Variants in HEG1 observed in about 807,000 individuals in gnomAD.
HEG1 encodes heart development protein with EGF like domains 1.
A neutral mutation model predicts 125.6 loss-of-function variants in HEG1; 56 were observed. That is an observed-to-expected ratio of 0.45 (90% CI 0.36 to 0.56). The LOEUF is 0.56. Ranked by LOEUF, HEG1 falls within the 20% of genes least tolerant of loss-of-function variation. The pLI, the probability that HEG1 is intolerant of heterozygous loss-of-function variation, is 0.00. For missense variants in HEG1, 1,523 were observed against 1,670.0 expected, an observed-to-expected ratio of 0.91 and a Z score of 1.53; for synonymous variants, 644 against 668.5, an observed-to-expected ratio of 0.96 and a Z score of 0.57.
rs1488090728 is a variant in HEG1 at position 125,012,853 on chromosome 3, T to A, written c.2726A>T (p.Asp909Val). 1.2e-6 allele frequency: 2 copies of A among 1,614,008 alleles called. No homozygotes were observed. Among genetic ancestry groups the A allele is most frequent in the African/African-American group, 2.7e-5 (2 of 75,054 alleles). Residue 909 changes from aspartate to valine, a missense_variant, in exon 6 of 17, where the codon GAT becomes GTT. Coordinates refer to ENST00000311127, the MANE Select transcript of HEG1 (RefSeq NM_020733.2). ...ISTERNRVIVDATTGLIPLTS... is the reference protein window; with the variant it reads ...ISTERNRVIVVATTGLIPLTS... ...CAAAGGGATCAATCCAGTGGTAGCA[T>A]CCACAATCACTCGGTTCCTTTCTGT...
intron 16 of HEG1, among the ~76,000 whole-genome samples, chr3:124,972,478 CAA>C (rs1364998337): frequency 2.0e-5 from 3 of 152,036 alleles, no homozygotes; most frequent in Non-Finnish European, 4.4e-5. Flanking sequence ...TCAAATTTTT[CAA>C]AAAGAGTCCA....
intron 3 of HEG1, 78 bp from the exon 4 acceptor site, chr3:125,021,208 G>T: frequency 1.8e-6 from 2 of 1,139,490 alleles, no homozygotes; most frequent in Non-Finnish European, 2.5e-6. Flanking sequence ...TACAAATGAC[G>T]TTTCTTACAT....
At chr3:124,992,781 A>C (rs1156477127) in intron 12 of HEG1, among the ~76,000 whole-genome samples, 4 of 152,248 alleles carry the variant, frequency 2.6e-5, no homozygotes, top group Non-Finnish European at 5.9e-5. Context: ...AGTGTTGTGG[A>C]ATACAGTTTC....
rs1936335238 is a variant in HEG1 at position 124,967,427 on chromosome 3, T to A, written c.*3225A>T. The A allele has an allele frequency of 6.6e-6, 1 of 150,674 alleles. No individual in the cohort carries two copies. Among genetic ancestry groups the A allele is most frequent in the African/African-American group, 2.4e-5 (1 of 40,834 alleles). The allele number at this position is 150,674 out of a possible 1,614,324, so 9.3% of individuals were successfully genotyped here. A position where few individuals can be genotyped will look rare whatever the true frequency, so the allele number is the denominator to read the frequency against. On this transcript the variant is annotated 3_prime_UTR_variant, in exon 17 of 17. Coordinates refer to ENST00000311127, the MANE Select transcript of HEG1 (RefSeq NM_020733.2). Reference sequence around the variant, plus strand: ...TAAGAATTACATATAAAAAACAATCTGAAAGCACATTTTCAAAAGGGTAGT... The same window carrying A: ...TAAGAATTACATATAAAAAACAATCAGAAAGCACATTTTCAAAAGGGTAGT...
intron 5 of HEG1, chr3:125,014,604 T>C (rs897299308): frequency 4.2e-6 from 4 of 954,228 alleles, no homozygotes; most frequent in African/African-American, 1.7e-5. Context: ...ATAAAGAGCT[T>C]GTAAGGCACT....
chr3:124,970,782 G>A lies in HEG1; in HGVS notation c.4016C>T (p.Pro1339Leu), dbSNP rs757602890. The change falls in exon 17 of 17, where the codon CCA becomes CTA. Residue 1339 changes from proline (P) to leucine (L), a missense_variant. Coordinates refer to ENST00000311127, the MANE Select transcript of HEG1 (RefSeq NM_020733.2). ...VYYSPTSVRNPELERNGLYPA... is the reference protein window; with the variant it reads ...VYYSPTSVRNLELERNGLYPA... ...GTAGAGTCCGTTTCGTTCAAGTTCTGGATTCCTTACACTTGTAGGCTGGTT... is the reference window on the plus strand; with the variant it reads ...GTAGAGTCCGTTTCGTTCAAGTTCTAGATTCCTTACACTTGTAGGCTGGTT... 1.2e-6 allele frequency: 2 copies of A among 1,609,804 alleles called. No individual in the cohort carries two copies. The highest frequency in any genetic ancestry group is 2.2e-5 in the East Asian group (1 of 44,808).
chr3:125,022,729 T>C (rs1045855902), intron 3 of HEG1, among the ~76,000 whole-genome samples: 3 of 151,516 alleles, frequency 2.0e-5, no homozygotes, highest in Non-Finnish European at 4.4e-5. Flanking sequence ...GAAAGCATTA[T>C]AGATATGCCC....
intron 1 of HEG1, among the ~76,000 whole-genome samples, chr3:125,050,838 C>T (rs1476282862): frequency 1.3e-5 from 2 of 152,194 alleles, no homozygotes; most frequent in African/African-American, 2.4e-5. Flanking sequence ...CACACTCCAA[C>T]AAAAGAAGAG....
intron 16 of HEG1, 134 bp from the exon 17 acceptor site, chr3:124,970,935 T>A: frequency 1.3e-6 from 1 of 767,052 alleles, no homozygotes; most frequent in Non-Finnish European, 2.1e-6. Context: ...TTCTACCAAT[T>A]ATTTCTAATT....
At chr3:125,045,178 T>A (rs1286507573) in intron 1 of HEG1, among the ~76,000 whole-genome samples, 1 of 152,212 alleles carries the variant, frequency 6.6e-6, no homozygotes, top group African/African-American at 2.4e-5. Flanking sequence ...ACTAAACCTG[T>A]GCGAATGCTG....
chr3:125,055,335 G>A (rs1560039350), intron 1 of HEG1, among the ~76,000 whole-genome samples: 1 of 152,126 alleles, frequency 6.6e-6, no homozygotes, highest in Admixed American at 6.5e-5. Context: ...GTACCCCATA[G>A]GAAATAAGTT....
intron 12 of HEG1, among the ~76,000 whole-genome samples, chr3:124,996,210 G>A (rs1936921164): frequency 6.6e-6 from 1 of 151,870 alleles, no homozygotes; most frequent in South Asian, 2.1e-4. Context: ...TCAGCTTCCC[G>A]AGTAGCTGGG....
intron 5 of HEG1, among the ~76,000 whole-genome samples, chr3:125,016,904 A>T (rs1937257100): frequency 6.6e-6 from 1 of 152,152 alleles, no homozygotes; most frequent in Non-Finnish European, 1.5e-5. Context: ...CAAAAGAAAA[A>T]TTTTCTCAAA....
At chr3:124,981,722 G>A (rs1487237452) in intron 14 of HEG1, among the ~76,000 whole-genome samples, 3 of 152,204 alleles carry the variant, frequency 2.0e-5, no homozygotes, top group Non-Finnish European at 2.9e-5. Flanking sequence ...CTCAAGCAGA[G>A]AGAAAGAGCC....
chr3:125,045,178 T>G (rs1286507573), intron 1 of HEG1, among the ~76,000 whole-genome samples: 1 of 152,212 alleles, frequency 6.6e-6, no homozygotes, highest in South Asian at 2.1e-4. Context: ...ACTAAACCTG[T>G]GCGAATGCTG....
At position 125,027,510 on chromosome 3, in the gene HEG1, G is replaced by A. The variant is rs977138551; in HGVS notation, c.611-3C>T. ...TGGCAGGTGAAGACTTTCTGAGGCT[G>A]AAAACAGACAAAAACAATTAGAATT... On this transcript the variant is annotated splice_region_variant and splice_polypyrimidine_tract_variant and intron_variant, in intron 2 of 16. Transcript: ENST00000311127. 1.9e-6 allele frequency: 3 copies of A among 1,583,332 alleles called. No individual in the cohort carries two copies. The highest frequency in any genetic ancestry group is 2.2e-5 in the East Asian group (1 of 44,694).
chr3:125,012,604 T>A lies in HEG1; in HGVS notation c.2956+19A>T. On this transcript the variant is annotated intron_variant, in intron 6 of 16. Coordinates refer to ENST00000311127, the MANE Select transcript of HEG1 (RefSeq NM_020733.2). ...ACTGGGCCTTGCAGTTAACATGTGC[T>A]TGTGTGACTGTGTTTTACCTGAGGC... The A allele has an allele frequency of 6.2e-7, 1 of 1,603,980 alleles. No homozygotes were observed. Among genetic ancestry groups the A allele is most frequent in the Non-Finnish European group, 8.5e-7 (1 of 1,174,680 alleles).
chr3:124,988,197 C>A (rs903957572), intron 14 of HEG1, among the ~76,000 whole-genome samples: 9 of 151,704 alleles, frequency 5.9e-5, no homozygotes, highest in African/African-American at 9.7e-5. Context: ...GAACACACAC[C>A]ACTCTGTAGA....
intron 1 of HEG1, among the ~76,000 whole-genome samples, chr3:125,041,637 A>G (rs1254788592): frequency 6.6e-6 from 1 of 152,214 alleles, no homozygotes; most frequent in African/African-American, 2.4e-5. Context: ...TCAAACAGAC[A>G]CTTATGCACC....
Sources: allele counts gnomAD v4.1 joint callset (sites outside exome capture counted in the v4.1 genomes callset), GRCh38; gene constraint gnomAD v4.1.1; transcripts MANE v1.5; gene names NCBI Gene and HGNC (gene_info 2026-07-23, HGNC 2026-07-21).